The following ADGRL2 variants were observed in gnomAD, a reference collection of about 807,000 sequenced individuals.
The protein encoded by ADGRL2 is calcium-independent alpha-latrotoxin receptor 2.
Under a neutral mutation model 157.4 loss-of-function variants are expected in ADGRL2, and 44 were observed. The ratio of observed to expected loss-of-function variants is 0.28; its 90% CI spans 0.22 to 0.36. The LOEUF (loss-of-function observed/expected upper bound fraction) is 0.36. Among genes scored for constraint, ADGRL2 ranks in the 10% least tolerant of loss-of-function variants. ADGRL2 has a pLI of 1.00. For synonymous variants in ADGRL2, 585 were observed against 624.7 expected (o/e 0.94, Z 0.95); for missense variants, 1,510 against 1,768.9 (o/e 0.85, Z 2.63).
chr1:81,373,551 A>G (rs535819765), intron 1 of ADGRL2, among the ~76,000 whole-genome samples: 2 of 152,326 alleles, frequency 1.3e-5, no homozygotes, highest in African/African-American at 4.8e-5. Flanking sequence ...GATGCTACTT[A>G]CAGGGTTCAT....
chr1:81,809,618 A>G (rs2089604926), intron 1 of ADGRL2, among the ~76,000 whole-genome samples: 1 of 152,004 alleles, frequency 6.6e-6, no homozygotes. Context: ...AGAAGGATGC[A>G]CCATGAGGTT....
At chr1:81,784,690 T>G (rs574931734) in intron 2 of ADGRL2, among the ~76,000 whole-genome samples, 10 of 143,306 alleles carry the variant, frequency 7.0e-5, no homozygotes, top group African/African-American at 2.6e-4. Flanking sequence ...ATCATGCCAT[T>G]GCACTCCAGC....
intron 2 of ADGRL2, among the ~76,000 whole-genome samples, chr1:81,462,243 A>G (rs2077950598): frequency 1.3e-5 from 2 of 152,214 alleles, no homozygotes; most frequent in Admixed American, 6.5e-5. Flanking sequence ...TCAGCAGGAC[A>G]TGGGCCGTGC....
chr1:81,892,941 A>G (rs1252939518), intron 2 of ADGRL2, among the ~76,000 whole-genome samples: 2 of 152,192 alleles, frequency 1.3e-5, no homozygotes, highest in East Asian at 3.8e-4. Flanking sequence ...TATTTACTTT[A>G]TAATAATATT....
At chr1:81,360,899 G>A (rs1458637032) in intron 1 of ADGRL2, among the ~76,000 whole-genome samples, 2 of 151,892 alleles carry the variant, frequency 1.3e-5, no homozygotes, top group Admixed American at 6.6e-5. Context: ...ACATTTTAAT[G>A]CATGCTGGGA....
At chr1:81,970,570 T>C in intron 16 of ADGRL2, 36 bp downstream of exon 16, 1 of 1,532,310 alleles carries the variant, frequency 6.5e-7, no homozygotes, top group African/African-American at 1.4e-5. Flanking sequence ...GTTTTTCAAG[T>C]GAATAATTTT....
At chr1:81,570,323 T>C (rs1321462440) in intron 2 of ADGRL2, among the ~76,000 whole-genome samples, 1 of 152,232 alleles carries the variant, frequency 6.6e-6, no homozygotes, top group Non-Finnish European at 1.5e-5. Flanking sequence ...TGAAAAGCTA[T>C]ATCCAACTGT....
intron 2 of ADGRL2, among the ~76,000 whole-genome samples, chr1:81,544,812 T>C (rs1354834802): frequency 6.6e-6 from 1 of 152,198 alleles, no homozygotes; most frequent in African/African-American, 2.4e-5. Flanking sequence ...TCAGAATTTT[T>C]AGAAAGGTAA....
intron 3 of ADGRL2, among the ~76,000 whole-genome samples, chr1:81,634,667 G>A (rs1217720930): frequency 1.3e-5 from 2 of 151,896 alleles, no homozygotes; most frequent in Non-Finnish European, 2.9e-5. Flanking sequence ...GGGATTATAG[G>A]CACACGCCAT....
chr1:81,791,512 G>A (rs903762821), intron 2 of ADGRL2, among the ~76,000 whole-genome samples: 1 of 152,050 alleles, frequency 6.6e-6, no homozygotes, highest in Non-Finnish European at 1.5e-5. Flanking sequence ...AAGGAAATCT[G>A]TTGATAGGAG....
intron 1 of ADGRL2, among the ~76,000 whole-genome samples, chr1:81,755,560 C>T (rs1244247205): frequency 6.6e-6 from 1 of 152,064 alleles, no homozygotes; most frequent in African/African-American, 2.4e-5. Context: ...TTCAAAAAGT[C>T]ACTGAGACCA....
intron 2 of ADGRL2, among the ~76,000 whole-genome samples, chr1:81,568,802 A>G (rs578182060): frequency 6.6e-6 from 1 of 152,254 alleles, no homozygotes; most frequent in Admixed American, 6.5e-5. Context: ...TATTCAATTC[A>G]TTTTTTAAAA....
intron 1 of ADGRL2, among the ~76,000 whole-genome samples, chr1:81,345,155 C>T (rs942534415): frequency 1.3e-5 from 2 of 152,186 alleles, no homozygotes; most frequent in African/African-American, 4.8e-5. Flanking sequence ...GTGGAAACTA[C>T]ATGCTTTTTA....
At chr1:81,374,093 A>AC (rs2076205578) in intron 1 of ADGRL2, among the ~76,000 whole-genome samples, 3 of 151,976 alleles carry the variant, frequency 2.0e-5, no homozygotes, top group African/African-American at 7.3e-5. Context: ...ACACACACAC[A>AC]AACACCCTTA....
chr1:81,584,011 T>G (rs965939913), intron 3 of ADGRL2, among the ~76,000 whole-genome samples: 24 of 152,204 alleles, frequency 1.6e-4, no homozygotes, highest in African/African-American at 5.8e-4. Context: ...AGACCTCTGC[T>G]TAATTGCTAT....
intron 2 of ADGRL2, among the ~76,000 whole-genome samples, chr1:81,870,521 GT>G (rs1382180727): frequency 1.3e-5 from 2 of 152,022 alleles, no homozygotes; most frequent in Non-Finnish European, 2.9e-5. Context: ...CACATTTTGA[GT>G]AATACCCATA....
chr1:81,992,678 A>G lies in ADGRL2; in HGVS notation c.*1533A>G, dbSNP rs145347973. Among the ~76,000 whole-genome samples the G allele has an allele frequency of 2.7e-4, 41 of 152,220 alleles. No individual in the cohort carries two copies. Among genetic ancestry groups the G allele is most frequent in the African/African-American group, 9.4e-4 (39 of 41,532 alleles). Reference sequence around the variant, plus strand: ...TTGTTTGTTGCATTGTACCAGGACTAAAAAAAGAAGGATTGGAAGTTCTGC... The same window carrying G: ...TTGTTTGTTGCATTGTACCAGGACTGAAAAAAGAAGGATTGGAAGTTCTGC... On this transcript the variant is annotated 3_prime_UTR_variant, in exon 24 of 24. Transcript: ENST00000686636.
intron 2 of ADGRL2, among the ~76,000 whole-genome samples, chr1:81,492,061 G>GA (rs2078644680): frequency 6.6e-6 from 1 of 152,118 alleles, no homozygotes; most frequent in Non-Finnish European, 1.5e-5. Context: ...ATGAAAGGAA[G>GA]AAAACCACTC....
intron 2 of ADGRL2, among the ~76,000 whole-genome samples, chr1:81,777,714 G>A (rs2086642829): frequency 6.6e-6 from 1 of 152,274 alleles, no homozygotes; most frequent in African/African-American, 2.4e-5. Flanking sequence ...ACTGACCTGT[G>A]ATCATGCCAT....
Sources: allele counts gnomAD v4.1 joint callset (sites outside exome capture counted in the v4.1 genomes callset), GRCh38; gene constraint gnomAD v4.1.1; transcripts MANE v1.5; gene names NCBI Gene and HGNC (gene_info 2026-07-23, HGNC 2026-07-21).